The following INTS4 variants were observed in gnomAD, a reference collection of about 807,000 sequenced individuals.
INTS4 encodes the protein integrator complex subunit 4.
In INTS4, 70 loss-of-function variants were observed where a neutral mutation model predicts 119.5. The observed-to-expected ratio is 0.59, with a 90% confidence interval of 0.48 to 0.71. INTS4 has a LOEUF of 0.71. INTS4 is among the 30% of genes least tolerant of loss of function. The probability of loss-of-function intolerance (pLI) is 0.00; values close to 1 mark genes in which losing one functional copy is unlikely to be tolerated. For synonymous variants in INTS4, 316 were observed against 419.6 expected (o/e 0.75, Z 3.02); for missense variants, 867 against 1,173.2 (o/e 0.74, Z 3.81).
rs377292634 is a variant in INTS4 at position 77,903,539 on chromosome 11, C to T, written c.2097+1G>A. 6.2e-7 allele frequency: 1 copy of T among 1,613,630 alleles called. No homozygotes were observed. The highest frequency in any genetic ancestry group is 8.5e-7 in the Non-Finnish European group (1 of 1,179,688). ...TGAAGGGAAGGTCTGAATAAGCTTA[C>T]CTGTTTCGCTGCTGCTGAGGCCAAA... On this transcript the variant is annotated splice_donor_variant, in intron 17 of 22. Transcript: ENST00000534064. LOFTEE classifies it high-confidence loss of function.
intron 18 of INTS4, among the ~76,000 whole-genome samples, chr11:77,896,734 A>G (rs1435203302): frequency 6.6e-6 from 1 of 151,988 alleles, no homozygotes; most frequent in Non-Finnish European, 1.5e-5. Flanking sequence ...AAGGTATAGG[A>G]AAAATAGATC....
rs778939425 is a variant in INTS4, at chr11:77,960,946, C to T, written c.657+7G>A. 1 of 1,590,460 alleles carries T rather than the reference C, an allele frequency of 6.3e-7. No individual in the cohort carries two copies. Among genetic ancestry groups the T allele is most frequent in the Non-Finnish European group, 8.6e-7 (1 of 1,169,352 alleles). On this transcript the variant is annotated splice_region_variant and intron_variant, in intron 5 of 22. Coordinates refer to ENST00000534064, the MANE Select transcript of INTS4 (RefSeq NM_033547.4). ...TAGCCCCAACTAGTTTCCATAATCA[C>T]ATTTACCATGGCTTTTATAGCTGCT...
At chr11:77,962,130 G>C (rs1355238876) in intron 4 of INTS4, among the ~76,000 whole-genome samples, 1 of 151,628 alleles carries the variant, frequency 6.6e-6, no homozygotes, top group Non-Finnish European at 1.5e-5. Context: ...CTGGGCAAAT[G>C]GGACTATAGG....
chr11:77,919,686 A>AT (rs907935454), intron 14 of INTS4, among the ~76,000 whole-genome samples: 21 of 152,066 alleles, frequency 1.4e-4, no homozygotes, highest in Admixed American at 5.2e-4. Context: ...CATGAGAATA[A>AT]TTTTTTTTTA....
At chr11:77,904,390 C>T (rs1416503271) in intron 16 of INTS4, among the ~76,000 whole-genome samples, 1 of 152,164 alleles carries the variant, frequency 6.6e-6, no homozygotes, top group African/African-American at 2.4e-5. Context: ...GATACAAAGA[C>T]TAAGTTAATT....
At chr11:77,903,500 G>C in intron 17 of INTS4, 40 bp downstream of exon 17, 1 of 1,607,468 alleles carries the variant, frequency 6.2e-7, no homozygotes, top group South Asian at 1.1e-5. Context: ...ACAATTACTG[G>C]ACAGAGACCT....
chr11:77,981,610 T>C, intron 2 of INTS4, 34 bp from the exon 3 acceptor site: 2 of 1,140,036 alleles, frequency 1.8e-6, no homozygotes, highest in Non-Finnish European at 2.6e-6. Flanking sequence ...ACTTTGATGC[T>C]TTACACTTAG....
intron 12 of INTS4, among the ~76,000 whole-genome samples, chr11:77,923,315 C>CAAAA (rs35475320): frequency 1.5e-4 from 13 of 87,938 alleles, no homozygotes; most frequent in Non-Finnish European, 1.8e-4. Context: ...GACTCTGTCT[C>CAAAA]AAAAAAAAAA....
chr11:77,956,707 AAAAAAT>A lies in INTS4; in HGVS notation c.798-651_798-646del, dbSNP rs1565271284. ...GGGCAACAGAGCGAGACTCCATCTC[AAAAAAT>A]AATAATAATAATAATAATAATAATA... is the stretch of plus-strand genomic sequence containing the variant. On this transcript the variant is annotated intron_variant, in intron 7 of 22. Transcript: ENST00000534064. Among the ~76,000 whole-genome samples, 10 of 57,968 alleles carry A rather than the reference AAAAAAT, an allele frequency of 1.7e-4. No individual in the cohort carries two copies. The Middle Eastern group carries it at 0.03, about 173-fold the overall frequency. The allele number at this position is 57,968 out of a possible 152,430, so 38.0% of individuals were successfully genotyped here.
intron 8 of INTS4, among the ~76,000 whole-genome samples, chr11:77,954,765 C>A (rs958399275): frequency 2.0e-5 from 3 of 152,178 alleles, no homozygotes; most frequent in African/African-American, 4.8e-5. Flanking sequence ...AGAGCTCAGG[C>A]AGTAATACTT....
intron 4 of INTS4, among the ~76,000 whole-genome samples, chr11:77,971,826 A>G (rs1328409944): frequency 6.6e-6 from 1 of 152,170 alleles, no homozygotes; most frequent in East Asian, 1.9e-4. Flanking sequence ...TAAATCTAAT[A>G]ATCCACTCCA....
intron 10 of INTS4, among the ~76,000 whole-genome samples, chr11:77,933,007 A>G (rs1953692872): frequency 6.6e-6 from 1 of 151,794 alleles, no homozygotes; most frequent in Non-Finnish European, 1.5e-5. Flanking sequence ...TACCTAACGT[A>G]GATGATGGGT....
At chr11:77,890,232 T>A (rs1041565792) in intron 21 of INTS4, among the ~76,000 whole-genome samples, 2 of 152,222 alleles carry the variant, frequency 1.3e-5, no homozygotes, top group African/African-American at 2.4e-5. Context: ...GGTCTCATAA[T>A]TTTTAATAAT....
At position 77,883,757 on chromosome 11, in the gene INTS4, A is replaced by C. The variant is rs1951881464; in HGVS notation, c.2713+75T>G. 5 of 1,507,940 alleles carry C rather than the reference A, an allele frequency of 3.3e-6. No individual in the cohort carries two copies. In the East Asian group the frequency reaches 1.2e-4, roughly 35 times the overall value. The allele number at this position is 1,507,940 out of a possible 1,614,324, so 93.4% of individuals were successfully genotyped here. The stretch of plus-strand genomic sequence containing the variant: ...CATCCATGTATTTTTTTCAAACTTT[A>C]AAAACCAAACGCTTAAGGGTAGGTG... On this transcript the variant is annotated intron_variant, in intron 22 of 22. Transcript: ENST00000534064.
intron 4 of INTS4, among the ~76,000 whole-genome samples, chr11:77,966,882 T>A (rs1591121073): frequency 6.6e-6 from 1 of 152,248 alleles, no homozygotes; most frequent in African/African-American, 2.4e-5. Context: ...ATGGACGTTT[T>A]AACATATTAA....
At chr11:77,987,859 C>T (rs188567155) in intron 2 of INTS4, among the ~76,000 whole-genome samples, 1 of 152,128 alleles carries the variant, frequency 6.6e-6, no homozygotes, top group East Asian at 1.9e-4. Context: ...GGCAACAGAG[C>T]AACACTCAAA....
At chr11:77,991,467 T>A (rs896931414) in intron 1 of INTS4, among the ~76,000 whole-genome samples, 168 bp from the exon 2 acceptor site, 3 of 152,000 alleles carry the variant, frequency 2.0e-5, no homozygotes, top group African/African-American at 7.3e-5. Flanking sequence ...AGGCCATGAG[T>A]CTCAATTTTG....
chr11:77,880,888 C>T (rs1951765501), intron 22 of INTS4, among the ~76,000 whole-genome samples: 1 of 152,128 alleles, frequency 6.6e-6, no homozygotes, highest in Non-Finnish European at 1.5e-5. Flanking sequence ...CACACCACTG[C>T]ACTCCAGCCT....
chr11:77,912,214 T>C (rs1361917317), intron 15 of INTS4, among the ~76,000 whole-genome samples: 1 of 152,028 alleles, frequency 6.6e-6, no homozygotes, highest in Non-Finnish European at 1.5e-5. Context: ...TACAAAAAAT[T>C]AGCCAGGTGT....
Sources: allele counts gnomAD v4.1 joint callset (sites outside exome capture counted in the v4.1 genomes callset), GRCh38; gene constraint gnomAD v4.1.1; transcripts MANE v1.5; gene names NCBI Gene and HGNC (gene_info 2026-07-23, HGNC 2026-07-21).